GEMIN5: variants seen among roughly 807,000 people sequenced by gnomAD.
The protein encoded by GEMIN5 is gem nuclear organelle associated protein 5, also known as gem-associated protein 5.
Under a neutral mutation model 176.9 loss-of-function variants are expected in GEMIN5, and 124 were observed. The ratio of observed to expected loss-of-function variants is 0.70; its 90% CI spans 0.61 to 0.81. GEMIN5 has a LOEUF of 0.81. Ranked by LOEUF, GEMIN5 falls within the 40% of genes least tolerant of loss-of-function variation. The pLI, the probability that GEMIN5 is intolerant of heterozygous loss-of-function variation, is 0.00. For synonymous variants in GEMIN5, 673 were observed against 665.2 expected, an observed-to-expected ratio of 1.01 and a Z score of -0.18; for missense variants, 1,843 against 1,814.6, an observed-to-expected ratio of 1.02 and a Z score of -0.28.
At chr5:154,898,767 A>C (rs111942169) in intron 22 of GEMIN5, 117 bp from the exon 23 acceptor site, 1 of 837,818 alleles carries the variant, frequency 1.2e-6, no homozygotes. Context: ...CTGTGGTCCC[A>C]GGTATGTCAC....
chr5:154,925,385 T>C (rs945583278), intron 8 of GEMIN5, among the ~76,000 whole-genome samples: 2 of 152,208 alleles, frequency 1.3e-5, no homozygotes, highest in Non-Finnish European at 2.9e-5. Context: ...TAAAAATTTA[T>C]TACCTTTAGA....
intron 26 of GEMIN5, among the ~76,000 whole-genome samples, chr5:154,889,711 T>C (rs1385870823): frequency 6.6e-6 from 1 of 152,244 alleles, no homozygotes; most frequent in African/African-American, 2.4e-5. Flanking sequence ...TTTCTGTCTC[T>C]ATAAATTTAA....
At chr5:154,927,660 G>A (rs921892615) in intron 6 of GEMIN5, 110 bp from the exon 7 acceptor site, 2 of 800,882 alleles carry the variant, frequency 2.5e-6, no homozygotes, top group South Asian at 2.1e-5. Flanking sequence ...TGTCGTTTAA[G>A]GAGAGAAAAA....
chr5:154,907,179 G>C (rs1333950511), intron 16 of GEMIN5, among the ~76,000 whole-genome samples: 1 of 152,180 alleles, frequency 6.6e-6, no homozygotes, highest in Admixed American at 6.5e-5. Context: ...GTGAGAGCTT[G>C]CAAGTTCCCA....
intron 15 of GEMIN5, among the ~76,000 whole-genome samples, chr5:154,908,850 C>T (rs1561717124): frequency 6.6e-6 from 1 of 152,136 alleles, no homozygotes; most frequent in African/African-American, 2.4e-5. Context: ...GGGTATTTCC[C>T]CTGTTTAACT....
At position 154,891,392 on chromosome 5, in the gene GEMIN5, G is replaced by C; in HGVS notation, c.4111C>G (p.Gln1371Glu). 6.2e-7 allele frequency: 1 copy of C among 1,614,114 alleles called. No homozygotes were observed. Among genetic ancestry groups the C allele is most frequent in the Non-Finnish European group, 8.5e-7 (1 of 1,180,010 alleles). ...SEKHASLQNS[Q>E]RTVAEVQETL... ...TCTTGGACTTCAGCAACAGTTCTCT[G>C]TGAGTTTTGGAGACTGGCATGCTTT... The change falls in exon 26 of 28, where the codon CAG (glutamine) becomes GAG (glutamate). Residue 1371 changes from glutamine (Q) to glutamate (E), a missense_variant. Gln to Glu is a conservative substitution (Grantham distance 29). Coordinates refer to ENST00000285873, the MANE Select transcript of GEMIN5 (RefSeq NM_015465.5).
chr5:154,889,308 CT>C lies in GEMIN5; in HGVS notation c.4359+12del. On this transcript the variant is annotated intron_variant, in intron 27 of 27. Coordinates refer to ENST00000285873, the MANE Select transcript of GEMIN5 (RefSeq NM_015465.5). ...AAGTGATGCTTTACCAAATGAACTGCTTTAACTCTTACCTTAATGCTCTCAG... is the reference window on the plus strand; with the variant it reads ...AAGTGATGCTTTACCAAATGAACTGCTTAACTCTTACCTTAATGCTCTCAG... The C allele has an allele frequency of 7.3e-7, 1 of 1,374,624 alleles. No individual in the cohort carries two copies. Among genetic ancestry groups the C allele is most frequent in the Non-Finnish European group, 1.0e-6 (1 of 961,778 alleles). 85.2% of individuals were successfully genotyped at this position (1,374,624 alleles called of 1,614,324 possible). A position where few individuals can be genotyped will look rare whatever the true frequency, so the allele number is the denominator to read the frequency against.
intron 22 of GEMIN5, 121 bp downstream of exon 22, chr5:154,899,070 C>T: frequency 1.0e-6 from 1 of 957,706 alleles, no homozygotes. Flanking sequence ...ATATACATAT[C>T]TTTTAAATAA....
chr5:154,899,927 C>T (rs1476946870), intron 21 of GEMIN5, among the ~76,000 whole-genome samples: 2 of 148,566 alleles, frequency 1.3e-5, no homozygotes, highest in African/African-American at 2.5e-5. Context: ...AACCTTCTTT[C>T]TTCTAAAAAA....
Position 154,888,065 on chromosome 5 carries a change from A to T in GEMIN5, c.*145T>A. 2 of 751,708 alleles carry T rather than the reference A, an allele frequency of 2.7e-6. No homozygotes were observed. Among genetic ancestry groups the T allele is most frequent in the South Asian group, 1.7e-5 (1 of 59,190 alleles). The allele number at this position is 751,708 out of a possible 1,614,324, so 46.6% of individuals were successfully genotyped here. Reference sequence around the variant, plus strand: ...CGTTGTCTATGGGTAGGCAGGGTTGATTCAAACTTAATCCTTGTTTGTATT... The same window carrying T: ...CGTTGTCTATGGGTAGGCAGGGTTGTTTCAAACTTAATCCTTGTTTGTATT... On this transcript the variant is annotated 3_prime_UTR_variant, in exon 28 of 28. Coordinates refer to ENST00000285873, the MANE Select transcript of GEMIN5 (RefSeq NM_015465.5).
intron 8 of GEMIN5, 123 bp from the exon 9 acceptor site, chr5:154,924,677 A>T: frequency 1.5e-6 from 1 of 671,836 alleles, no homozygotes; most frequent in Non-Finnish European, 2.6e-6. Flanking sequence ...TTCATTATTT[A>T]AAGGAGAAAA....
chr5:154,893,066 C>T (rs1326480502), intron 24 of GEMIN5, among the ~76,000 whole-genome samples: 1 of 151,680 alleles, frequency 6.6e-6, no homozygotes, highest in African/African-American at 2.4e-5. Flanking sequence ...CACTGCACTC[C>T]AGTCTGAGCA....
chr5:154,930,429 C>G (rs1476241584), intron 5 of GEMIN5, among the ~76,000 whole-genome samples: 1 of 152,140 alleles, frequency 6.6e-6, no homozygotes, highest in African/African-American at 2.4e-5. Flanking sequence ...TCTTTTGCCA[C>G]ACCGAAATTT....
chr5:154,930,241 C>T (rs1411632043), intron 5 of GEMIN5, among the ~76,000 whole-genome samples: 1 of 152,194 alleles, frequency 6.6e-6, no homozygotes, highest in Non-Finnish European at 1.5e-5. Flanking sequence ...GCGGTCTAAC[C>T]CTAGCTGATA....
intron 7 of GEMIN5, 94 bp downstream of exon 7, chr5:154,927,291 T>C (rs1764061126): frequency 7.0e-6 from 5 of 718,092 alleles, no homozygotes; most frequent in African/African-American, 1.7e-5. Context: ...GGGTGGAGTA[T>C]TACGACTTGA....
At chr5:154,922,985 C>T (rs348754) in intron 9 of GEMIN5, among the ~76,000 whole-genome samples, 126,280 of 152,078 alleles carry the variant, frequency 0.83, 53,161 homozygotes, top group Non-Finnish European at 0.91. Context: ...CGTGAGCCAC[C>T]GTGCCAGGCC....
In GEMIN5 at chr5:154,899,218, T is replaced by A. The variant is rs372221216; in HGVS notation, c.3107A>T (p.Asp1036Val). The A allele has an allele frequency of 5.0e-6, 8 of 1,612,434 alleles. No homozygotes were observed. The Middle Eastern group carries it at 4.9e-4, about 99-fold the overall frequency. Residue 1036 changes from aspartate (D) to valine (V), a missense_variant, in exon 22 of 28, where the codon GAT becomes GTT. Physicochemically the swap from Asp to Val is radical, Grantham distance 152. Coordinates refer to ENST00000285873, the MANE Select transcript of GEMIN5 (RefSeq NM_015465.5). ...TTTGGCAGCTACAGCATAGTGGCCA[T>A]CTCTTTCTAGGACGGTTCCCCAGCT... ...YLSWGTVLER[D>V]GHYAVAAKCY...
At position 154,889,388 on chromosome 5, in the gene GEMIN5, A is replaced by G. The variant is rs1763179345; in HGVS notation, c.4292T>C (p.Leu1431Pro). The G allele has an allele frequency of 6.2e-7, 1 of 1,610,024 alleles. No individual in the cohort carries two copies. Among genetic ancestry groups the G allele is most frequent in the African/African-American group, 1.3e-5 (1 of 74,998 alleles). Residue 1431 changes from leucine to proline, a missense_variant, in exon 27 of 28, where the codon CTG (leucine) becomes CCG (proline). Physicochemically the swap from Leu to Pro is moderately conservative, Grantham distance 98. Transcript: ENST00000285873. The part of the protein sequence containing the change: ...CKEEKNEPLS[L>P]PELTKRLTEA... ...GGTAAGCCTTTTGGTTAACTCAGGC[A>G]GAGAAAGTGGCTCATTTTTTTCTTC...
At chr5:154,892,349 A>C (rs1200442226) in intron 25 of GEMIN5, 38 bp downstream of exon 25, 1 of 1,561,926 alleles carries the variant, frequency 6.4e-7, no homozygotes, top group Non-Finnish European at 8.8e-7. Flanking sequence ...GATGTTGTCC[A>C]TTAAAGGGTG....
Sources: allele counts gnomAD v4.1 joint callset (sites outside exome capture counted in the v4.1 genomes callset), GRCh38; gene constraint gnomAD v4.1.1; transcripts MANE v1.5; gene names NCBI Gene and HGNC (gene_info 2026-07-23, HGNC 2026-07-21).